TFEC: variants seen among roughly 807,000 people sequenced by gnomAD.
TFEC encodes the protein transcription factor EC.
TFEC carries 31 observed loss-of-function variants against 41.6 expected under a neutral mutation model. That is an observed-to-expected ratio of 0.74 (90% CI 0.56 to 1.01). The LOEUF is 1.01. Ranked by LOEUF, TFEC falls within the 50% of genes least tolerant of loss-of-function variation. TFEC has a pLI of 0.00. For missense variants in TFEC, 402 were observed against 404.1 expected (o/e 0.99, Z 0.04); for synonymous variants, 143 against 140.6 (o/e 1.02, Z -0.12).
intron 1 of TFEC, among the ~76,000 whole-genome samples, chr7:116,115,633 A>G (rs1360858028): frequency 6.6e-6 from 1 of 151,928 alleles, no homozygotes; most frequent in African/African-American, 2.4e-5. Flanking sequence ...CCCCACCTCA[A>G]CATCCTTAAC....
At chr7:116,072,171 T>G (rs1236794767) in intron 3 of TFEC, among the ~76,000 whole-genome samples, 1 of 151,558 alleles carries the variant, frequency 6.6e-6, no homozygotes, top group African/African-American at 2.4e-5. Flanking sequence ...TTTAATCTCT[T>G]TTTTTAGTTC....
At chr7:116,074,129 T>C (rs1796897001) in intron 3 of TFEC, among the ~76,000 whole-genome samples, 1 of 151,558 alleles carries the variant, frequency 6.6e-6, no homozygotes, top group African/African-American at 2.4e-5. Flanking sequence ...AGAAAACATA[T>C]ATATGCTTAT....
intron 1 of TFEC, among the ~76,000 whole-genome samples, chr7:116,152,122 AG>A (rs1798774602): frequency 6.6e-6 from 1 of 152,200 alleles, no homozygotes; most frequent in African/African-American, 2.4e-5. Flanking sequence ...CAAAAAGTTT[AG>A]TTCAGTTAAA....
chr7:115,944,961 A>T (rs558540665), intron 6 of TFEC, among the ~76,000 whole-genome samples: 2 of 150,368 alleles, frequency 1.3e-5, no homozygotes, highest in African/African-American at 4.9e-5. Context: ...CATTTGAGTG[A>T]TTCCATGACT....
At chr7:115,986,784 A>G (rs1325959416) in intron 1 of TFEC, among the ~76,000 whole-genome samples, 2 of 147,932 alleles carry the variant, frequency 1.4e-5, no homozygotes, top group African/African-American at 4.9e-5. Flanking sequence ...GGGGAGGGAT[A>G]GCATTAGGAG....
At chr7:116,008,273 C>G (rs975345555) in intron 1 of TFEC, among the ~76,000 whole-genome samples, 1 of 152,074 alleles carries the variant, frequency 6.6e-6, no homozygotes, top group African/African-American at 2.4e-5. Flanking sequence ...AGCAAGAATA[C>G]GAACAGAAAT....
chr7:116,153,540 C>T (rs1798805871), intron 1 of TFEC, among the ~76,000 whole-genome samples: 1 of 152,142 alleles, frequency 6.6e-6, no homozygotes, highest in South Asian at 2.1e-4. Flanking sequence ...GCGTAAGCCA[C>T]CGTGCCCAGC....
At chr7:116,105,450 GA>G (rs1562970813) in intron 3 of TFEC, among the ~76,000 whole-genome samples, 2 of 152,102 alleles carry the variant, frequency 1.3e-5, no homozygotes, top group Admixed American at 6.5e-5. Flanking sequence ...CAGTCCAACA[GA>G]AAAAAGAAAC....
At chr7:116,078,291 G>A (rs1303333074) in intron 3 of TFEC, among the ~76,000 whole-genome samples, 1 of 148,412 alleles carries the variant, frequency 6.7e-6, no homozygotes, top group African/African-American at 2.5e-5. Flanking sequence ...TGAGAAACAA[G>A]AACAAACCAA....
chr7:116,015,127 G>A (rs1174847816), intron 1 of TFEC, among the ~76,000 whole-genome samples: 2 of 149,412 alleles, frequency 1.3e-5, no homozygotes, highest in African/African-American at 4.9e-5. Flanking sequence ...TAAATTATTA[G>A]AATTATATAA....
chr7:116,017,610 C>G lies in TFEC; in HGVS notation c.-73+13023G>C, dbSNP rs936384186. Reference sequence around the variant, plus strand: ...CACCCAACTATCTATCCAACTTCTTCCCATACCACTCTCTCTCTCCTATGC... The same window carrying G: ...CACCCAACTATCTATCCAACTTCTTGCCATACCACTCTCTCTCTCCTATGC... On this transcript the variant is annotated intron_variant, in intron 1 of 7. Transcript: ENST00000265440. 1.0e-3 allele frequency among the ~76,000 whole-genome samples: 155 copies of G among 152,234 alleles called. 2 individuals carry two copies. Among genetic ancestry groups the G allele is most frequent in the Admixed American group, 1.7e-3 (26 of 15,274 alleles).
At chr7:115,947,665 G>A (rs1362969989) in intron 6 of TFEC, among the ~76,000 whole-genome samples, 2 of 151,334 alleles carry the variant, frequency 1.3e-5, no homozygotes, top group Non-Finnish European at 2.9e-5. Context: ...TTTCTCTGAT[G>A]GCCAGTGATG....
chr7:116,123,256 G>C (rs1798144421), intron 1 of TFEC, among the ~76,000 whole-genome samples: 1 of 152,088 alleles, frequency 6.6e-6, no homozygotes, highest in South Asian at 2.1e-4. Flanking sequence ...TTTGTTGCAA[G>C]AACGTAAGGT....
chr7:116,144,063 C>T (rs758702396), intron 1 of TFEC, among the ~76,000 whole-genome samples: 2 of 151,888 alleles, frequency 1.3e-5, no homozygotes, highest in Non-Finnish European at 2.9e-5. Context: ...ACTAAAAATA[C>T]AAAAATTAGC....
chr7:116,077,927 C>A (rs1172346568), intron 3 of TFEC, among the ~76,000 whole-genome samples: 1 of 152,062 alleles, frequency 6.6e-6, no homozygotes, highest in Non-Finnish European at 1.5e-5. Flanking sequence ...AACAAATGGA[C>A]TTAACAGATA....
chr7:116,003,472 A>T (rs573076588), intron 1 of TFEC, among the ~76,000 whole-genome samples: 1 of 152,268 alleles, frequency 6.6e-6, no homozygotes, highest in African/African-American at 2.4e-5. Context: ...CAAAAACAGA[A>T]GGTCAAAACA....
chr7:116,079,221 C>A (rs1408185867), intron 3 of TFEC, among the ~76,000 whole-genome samples: 1 of 151,906 alleles, frequency 6.6e-6, no homozygotes, highest in African/African-American at 2.4e-5. Context: ...ATAGCCAACA[C>A]ACTACTGAAT....
chr7:115,969,910 G>A (rs1793055829), intron 3 of TFEC, among the ~76,000 whole-genome samples: 1 of 151,898 alleles, frequency 6.6e-6, no homozygotes, highest in Non-Finnish European at 1.5e-5. Context: ...AGCAAAGAAT[G>A]ACCATTTTTG....
chr7:115,956,771 A>G lies in TFEC; in HGVS notation c.290T>C (p.Val97Ala). The G allele has an allele frequency of 1.3e-6, 2 of 1,585,432 alleles. No homozygotes were observed. The highest frequency in any genetic ancestry group is 1.2e-5 in the South Asian group (1 of 84,718). Reference protein sequence around the residue: ...QRTLSGSILDVYSGEQGISPI... With the variant: ...QRTLSGSILDAYSGEQGISPI... ...TGAAATTCCTTGTTCACCGCTATACACATCCAAAATACTTCCAGATAACTT... is the reference window on the plus strand; with the variant it reads ...TGAAATTCCTTGTTCACCGCTATACGCATCCAAAATACTTCCAGATAACTT... Residue 97 changes from valine (V) to alanine (A), a missense_variant, in exon 4 of 8, where the codon GTG becomes GCG. Coordinates refer to ENST00000265440, the MANE Select transcript of TFEC (RefSeq NM_012252.4).
Sources: allele counts gnomAD v4.1 joint callset (sites outside exome capture counted in the v4.1 genomes callset), GRCh38; gene constraint gnomAD v4.1.1; transcripts MANE v1.5; gene names NCBI Gene and HGNC (gene_info 2026-07-23, HGNC 2026-07-21).